Variants in EPB41 observed in about 807,000 individuals in gnomAD.
EPB41 encodes the protein protein 4.1.
Under a neutral mutation model 108.0 loss-of-function variants are expected in EPB41, and 65 were observed. The ratio of observed to expected loss-of-function variants is 0.60; its 90% CI spans 0.49 to 0.74. The LOEUF (loss-of-function observed/expected upper bound fraction) is 0.74, where lower values mean the gene tolerates loss of function less well. Ranked by LOEUF, EPB41 falls within the 30% of genes least tolerant of loss-of-function variation. The probability of loss-of-function intolerance (pLI) is 0.00; values close to 1 mark genes in which losing one functional copy is unlikely to be tolerated. For missense variants in EPB41, 875 were observed against 1,037.0 expected (o/e 0.84, Z 2.15); for synonymous variants, 336 against 358.9 (o/e 0.94, Z 0.72).
chr1:29,003,240 G>A (rs967186436), intron 4 of EPB41, among the ~76,000 whole-genome samples: 10 of 152,156 alleles, frequency 6.6e-5, no homozygotes, highest in Non-Finnish European at 1.2e-4. Flanking sequence ...TAAGTTTTCC[G>A]CCATTCTGAA....
intron 1 of EPB41, among the ~76,000 whole-genome samples, chr1:28,945,774 G>T (rs2094468507): frequency 6.6e-6 from 1 of 152,136 alleles, no homozygotes; most frequent in African/African-American, 2.4e-5. Context: ...CCTTACATAG[G>T]TTTGGCAACA....
chr1:28,960,001 C>CTTT (rs776338332), intron 1 of EPB41, among the ~76,000 whole-genome samples: 2 of 128,240 alleles, frequency 1.6e-5, no homozygotes, highest in Non-Finnish European at 3.4e-5. Context: ...TTTTTCTTTT[C>CTTT]TTTTTTTTTT....
At position 29,117,724 on chromosome 1, in the gene EPB41, G is replaced by C. The variant is rs1194265402; in HGVS notation, c.*912G>C. On this transcript the variant is annotated 3_prime_UTR_variant, in exon 21 of 21. Transcript: ENST00000343067. ...AAAGTTAATGAGGTTTTTAAAATAA[G>C]GTTTTCTAGTTTTGAGAGTGTGCAC... The C allele has an allele frequency of 6.6e-6, 1 of 152,608 alleles. No individual in the cohort carries two copies. The highest frequency in any genetic ancestry group is 2.4e-5 in the African/African-American group (1 of 41,450). The allele number at this position is 152,608 out of a possible 1,614,324, so 9.5% of individuals were successfully genotyped here.
Position 29,117,837 on chromosome 1 carries a change from TTTC to T in EPB41, c.*1028_*1030del, listed in dbSNP as rs1671246716. 6.6e-6 allele frequency: 1 copy of T among 152,624 alleles called. No homozygotes were observed. Among genetic ancestry groups the T allele is most frequent in the African/African-American group, 2.4e-5 (1 of 41,438 alleles). The allele number at this position is 152,624 out of a possible 1,614,324, so 9.5% of individuals were successfully genotyped here. Reference sequence around the variant, plus strand: ...AAGGAATGTGGCTCAGAGAAGGGTTTTTCTTTTTTGACCTTTCTTCTCTCAACA... The same window carrying T: ...AAGGAATGTGGCTCAGAGAAGGGTTTTTTTTTGACCTTTCTTCTCTCAACA... On this transcript the variant is annotated 3_prime_UTR_variant, in exon 21 of 21. Transcript: ENST00000343067.
At chr1:28,953,419 C>G (rs953115856) in intron 1 of EPB41, among the ~76,000 whole-genome samples, 6 of 152,132 alleles carry the variant, frequency 3.9e-5, no homozygotes, top group Non-Finnish European at 8.8e-5. Context: ...AGTTAATCAG[C>G]TGACTTGAGA....
chr1:28,935,908 ACT>A (rs2094003633), intron 1 of EPB41, among the ~76,000 whole-genome samples: 1 of 137,658 alleles, frequency 7.3e-6, no homozygotes, highest in African/African-American at 3.0e-5. Context: ...ACAGAGCGAG[ACT>A]CTGTTTCAAA....
At chr1:28,994,214 C>T (rs1486664582) in intron 3 of EPB41, among the ~76,000 whole-genome samples, 1 of 151,982 alleles carries the variant, frequency 6.6e-6, no homozygotes, top group Non-Finnish European at 1.5e-5. Flanking sequence ...CTCTGTCGTC[C>T]AGGCTGGAGT....
intron 1 of EPB41, among the ~76,000 whole-genome samples, chr1:28,924,964 C>CATTTT (rs1553168191): frequency 1.6e-5 from 2 of 128,334 alleles, no homozygotes. Flanking sequence ...GCCTGGCTAA[C>CATTTT]TTTTTTTTTT....
intron 16 of EPB41, among the ~76,000 whole-genome samples, chr1:29,067,683 A>AG (rs397746554): frequency 6.7e-6 from 1 of 150,310 alleles, no homozygotes; most frequent in African/African-American, 2.5e-5. Context: ...AAAAAAAAAA[A>AG]TTGGTTCACA....
chr1:29,058,805 A>G lies in EPB41; in HGVS notation c.1903-6A>G, dbSNP rs1378625447. On this transcript the variant is annotated splice_polypyrimidine_tract_variant and splice_region_variant and intron_variant, in intron 13 of 20. Transcript: ENST00000343067. ...TTTCTTTCTTTTTTAAATTATGGCA[A>G]AACAGAAGCTTGCAGAAAAAACTGA... is the stretch of plus-strand genomic sequence containing the variant. 29 of 1,546,984 alleles carry G rather than the reference A, an allele frequency of 1.9e-5. No homozygotes were observed. Among genetic ancestry groups the G allele is most frequent in the Non-Finnish European group, 2.4e-5 (28 of 1,145,758 alleles).
intron 17 of EPB41, among the ~76,000 whole-genome samples, chr1:29,100,993 G>C (rs1202220471): frequency 6.6e-6 from 1 of 151,586 alleles, no homozygotes; most frequent in Non-Finnish European, 1.5e-5. Flanking sequence ...GGGAGGCCGT[G>C]GTGGGTGGAT....
intron 4 of EPB41, among the ~76,000 whole-genome samples, chr1:28,998,634 A>G (rs148614424): frequency 4.6e-5 from 7 of 152,330 alleles, no homozygotes; most frequent in African/African-American, 7.2e-5. Context: ...TGTTCCTTCT[A>G]TGAATGACTA....
At chr1:29,109,532 A>G (rs1668450169) in intron 18 of EPB41, 95 bp downstream of exon 18, 1 of 1,016,400 alleles carries the variant, frequency 9.8e-7, no homozygotes, top group Non-Finnish European at 1.5e-6. Flanking sequence ...ATAAGCAAAT[A>G]TTTTCAGCTC....
chr1:29,118,476 A>G lies in EPB41; in HGVS notation c.*1664A>G, dbSNP rs1671344127. ...GCTTCCCACAAACACATTGGCCTCA[A>G]GGCTCCTTAGAATCCCAGTTCCAGC... is the stretch of plus-strand genomic sequence containing the variant. On this transcript the variant is annotated 3_prime_UTR_variant, in exon 21 of 21. Transcript: ENST00000343067. 6.6e-6 allele frequency: 1 copy of G among 152,182 alleles called. No individual in the cohort carries two copies. The highest frequency in any genetic ancestry group is 6.6e-5 in the Admixed American group (1 of 15,260). 9.4% of individuals were successfully genotyped at this position (152,182 alleles called of 1,614,324 possible).
At chr1:28,952,776 T>C (rs972693262) in intron 1 of EPB41, among the ~76,000 whole-genome samples, 2 of 152,196 alleles carry the variant, frequency 1.3e-5, no homozygotes, top group Non-Finnish European at 2.9e-5. Context: ...TTTTTCTCCA[T>C]TTTTGCCCAT....
chr1:29,054,833 CAA>C (rs1428754709), intron 12 of EPB41, among the ~76,000 whole-genome samples: 1 of 152,222 alleles, frequency 6.6e-6, no homozygotes, highest in East Asian at 1.9e-4. Context: ...GCCTGGGTGA[CAA>C]AGTGAGACGC....
In EPB41 at chr1:29,115,526, C is replaced by A. The variant is rs1670627309; in HGVS notation, c.2497-173C>A. Reference sequence around the variant, plus strand: ...CTGTGTTATCAGTCCAGAAGCCTCCCTATGCAGGATAGGGTGGGTAAGGTA... The same window carrying A: ...CTGTGTTATCAGTCCAGAAGCCTCCATATGCAGGATAGGGTGGGTAAGGTA... On this transcript the variant is annotated intron_variant, in intron 19 of 20. Transcript: ENST00000343067. This position sits in a 1 kb window ranked among gnomAD's most constrained non-coding sequence, Gnocchi z 4.4. Among the ~76,000 whole-genome samples, 1 of 152,200 alleles carries A rather than the reference C, an allele frequency of 6.6e-6. No homozygotes were observed. The highest frequency in any genetic ancestry group is 2.4e-5 in the African/African-American group (1 of 41,452).
At chr1:29,097,401 A>G (rs542217875) in intron 16 of EPB41, 1 of 274,862 alleles carries the variant, frequency 3.6e-6, no homozygotes, top group Non-Finnish European at 7.1e-6. Context: ...TTCATGTACC[A>G]TTCGTACTTA....
intron 1 of EPB41, among the ~76,000 whole-genome samples, chr1:28,895,310 C>G (rs984520173): frequency 1.3e-5 from 2 of 151,912 alleles, no homozygotes; most frequent in African/African-American, 2.4e-5. Flanking sequence ...TGGTTATATG[C>G]TATTTTAGAC....
Sources: gnomAD v4.1 joint callset for allele counts (sites outside exome capture counted in the v4.1 genomes callset) on GRCh38, gnomAD v4.1.1 for gene constraint, Gnocchi (gnomAD v3.1) non-coding constraint, MANE v1.5 for transcripts, NCBI Gene and HGNC (gene_info 2026-07-23, HGNC 2026-07-21) for gene names.